JAM3: variants seen among roughly 807,000 people sequenced by gnomAD.
JAM3 encodes the protein junctional adhesion molecule C.
JAM3 carries 31 observed loss-of-function variants against 39.4 expected under a neutral mutation model. The observed-to-expected ratio is 0.79, with a 90% CI of 0.59 to 1.06. JAM3 has a LOEUF of 1.06. JAM3 is among the 50% of genes least tolerant of loss of function. The probability of loss-of-function intolerance (pLI) is 0.00; values close to 1 mark genes in which losing one functional copy is unlikely to be tolerated. For missense variants in JAM3, 455 were observed against 391.4 expected, an observed-to-expected ratio of 1.16 and a Z score of -1.37; for synonymous variants, 182 against 148.7, an observed-to-expected ratio of 1.22 and a Z score of -1.63.
At chr11:134,132,564 A>G (rs890641994) in intron 1 of JAM3, among the ~76,000 whole-genome samples, 2 of 152,388 alleles carry the variant, frequency 1.3e-5, no homozygotes, top group East Asian at 1.9e-4. Context: ...TGAAGAAATT[A>G]TAACACAAAT....
At chr11:134,133,259 C>A (rs1238353706) in intron 1 of JAM3, among the ~76,000 whole-genome samples, 2 of 152,310 alleles carry the variant, frequency 1.3e-5, no homozygotes, top group African/African-American at 4.8e-5. Flanking sequence ...TTTCCTACTT[C>A]CTTTCCAACT....
At position 134,136,395 on chromosome 11, in the gene JAM3, A is replaced by G. The variant is rs762648247; in HGVS notation, c.77-3456A>G. 2.0e-5 allele frequency among the ~76,000 whole-genome samples: 3 copies of G among 152,306 alleles called. No homozygotes were observed. In the South Asian group the frequency reaches 6.2e-4, roughly 32 times the overall value. On this transcript the variant is annotated intron_variant, in intron 1 of 8. Transcript: ENST00000299106. The stretch of plus-strand genomic sequence containing the variant: ...CAGGATTCTGGATGAGTTACTTACG[A>G]TGTCTTCACGTGTTAGATTTGTGCC...
intron 1 of JAM3, among the ~76,000 whole-genome samples, chr11:134,124,993 A>ACC (rs142281577): frequency 0.024 from 3,678 of 151,956 alleles, 155 homozygotes; most frequent in African/African-American, 0.084. Context: ...CGGCGACGAC[A>ACC]CCCCCCAGCC....
chr11:134,120,965 G>C (rs545158219), intron 1 of JAM3, among the ~76,000 whole-genome samples: 17 of 152,338 alleles, frequency 1.1e-4, no homozygotes, highest in African/African-American at 4.1e-4. Context: ...AGGAAAGCAG[G>C]CGTCATCCTC....
At chr11:134,143,808 C>A (rs887909681) in intron 3 of JAM3, among the ~76,000 whole-genome samples, 2 of 152,172 alleles carry the variant, frequency 1.3e-5, no homozygotes, top group Non-Finnish European at 1.5e-5. Flanking sequence ...AGTTTTAACT[C>A]CTATGTTAGG....
At position 134,148,565 on chromosome 11, in the gene JAM3, G is replaced by A; in HGVS notation, c.731G>A (p.Gly244Glu). Residue 244 changes from glycine (G) to glutamate (E), a missense_variant, in exon 7 of 9, where the codon GGA becomes GAA. Physicochemically the swap from Gly to Glu is moderately conservative, Grantham distance 98 (BLOSUM62 -2). Coordinates refer to ENST00000299106, the MANE Select transcript of JAM3 (RefSeq NM_032801.5). Reference sequence around the variant, plus strand: ...TCTTCAGATGACCTGAACATTGGCGGAATTATTGGGGGGGTTCTGGTTGTC... The same window carrying A: ...TCTTCAGATGACCTGAACATTGGCGAAATTATTGGGGGGGTTCTGGTTGTC... ...EMEVYDLNIG[G>E]IIGGVLVVLA... 6.2e-7 allele frequency: 1 copy of A among 1,614,144 alleles called. No individual in the cohort carries two copies. Among genetic ancestry groups the A allele is most frequent in the South Asian group, 1.1e-5 (1 of 91,080 alleles).
chr11:134,123,089 A>G (rs1305684849), intron 1 of JAM3, among the ~76,000 whole-genome samples: 1 of 152,240 alleles, frequency 6.6e-6, no homozygotes, highest in Admixed American at 6.5e-5. Flanking sequence ...GCTCTTGGCT[A>G]CTTTGTCTAG....
Position 134,080,694 on chromosome 11 carries a change from A to G in JAM3, c.76+11535A>G, listed in dbSNP as rs144214717. ...TTTTGTAAATTGCCCAGTCTCGGGT[A>G]TGTCTTTATCAGCAGCATGAAAATA... On this transcript the variant is annotated intron_variant, in intron 1 of 8. Coordinates refer to ENST00000299106, the MANE Select transcript of JAM3 (RefSeq NM_032801.5). 9.2e-5 allele frequency among the ~76,000 whole-genome samples: 14 copies of G among 152,296 alleles called. No homozygotes were observed. The East Asian group carries it at 2.7e-3, about 29-fold the overall frequency.
At chr11:134,148,889 C>T (rs1565508008) in intron 8 of JAM3, 71 bp downstream of exon 8, 4 of 1,494,124 alleles carry the variant, frequency 2.7e-6, no homozygotes, top group Non-Finnish European at 3.7e-6. Flanking sequence ...TTGGAAACCA[C>T]ACGGGTCTCC....
intron 1 of JAM3, among the ~76,000 whole-genome samples, chr11:134,083,577 T>G (rs111436813): frequency 1.3e-5 from 2 of 152,298 alleles, no homozygotes; most frequent in African/African-American, 4.8e-5. Flanking sequence ...GTCAAGTACA[T>G]TTCCTACATG....
chr11:134,145,094 T>C, intron 5 of JAM3, 100 bp downstream of exon 5: 2 of 1,018,804 alleles, frequency 2.0e-6, no homozygotes. Context: ...AACTTCTTGA[T>C]AAGACAGGAG....
chr11:134,093,147 T>C (rs1204899765), intron 1 of JAM3, among the ~76,000 whole-genome samples: 2 of 108,784 alleles, frequency 1.8e-5, no homozygotes, highest in African/African-American at 3.8e-5. Context: ...CATCATGTTC[T>C]ATCTTACATG....
At chr11:134,071,452 A>G (rs933303016) in intron 1 of JAM3, among the ~76,000 whole-genome samples, 17 of 152,318 alleles carry the variant, frequency 1.1e-4, no homozygotes, top group African/African-American at 4.1e-4. Flanking sequence ...TTTCAACACT[A>G]TGTGGTTTGT....
chr11:134,136,196 C>T (rs374048334), intron 1 of JAM3, among the ~76,000 whole-genome samples: 13 of 152,182 alleles, frequency 8.5e-5, no homozygotes, highest in East Asian at 1.9e-4. Context: ...TTCCTTTTTC[C>T]GCCTTCCAAA....
At chr11:134,098,192 C>T (rs1455342867) in intron 1 of JAM3, among the ~76,000 whole-genome samples, 1 of 152,146 alleles carries the variant, frequency 6.6e-6, no homozygotes, top group Admixed American at 6.5e-5. Context: ...TTTTACTGTG[C>T]ATGCATATGT....
At chr11:134,121,990 CTGT>C (rs1235156108) in intron 1 of JAM3, among the ~76,000 whole-genome samples, 19 of 152,296 alleles carry the variant, frequency 1.2e-4, no homozygotes, top group African/African-American at 2.4e-4. Flanking sequence ...TTAATGGAAT[CTGT>C]TGTTGTGTTT....
chr11:134,088,620 CATT>C (rs1306439481), intron 1 of JAM3, among the ~76,000 whole-genome samples: 5 of 152,268 alleles, frequency 3.3e-5, no homozygotes, highest in South Asian at 4.1e-4. Context: ...TTGCTAAAAT[CATT>C]AACCTCTGAA....
rs149931418 is a variant in JAM3, at chr11:134,084,010, A to C, written c.76+14851A>C. 4.9e-3 allele frequency among the ~76,000 whole-genome samples: 750 copies of C among 152,356 alleles called. 6 individuals are homozygous for C. Among genetic ancestry groups the C allele is most frequent in the African/African-American group, 0.017 (718 of 41,584 alleles). The stretch of plus-strand genomic sequence containing the variant: ...TATGTAAAAGAAAGCTTATGGCTAC[A>C]TAATAAGGAGAAAATTGGTCATAAG... On this transcript the variant is annotated intron_variant, in intron 1 of 8. Coordinates refer to ENST00000299106, the MANE Select transcript of JAM3 (RefSeq NM_032801.5).
chr11:134,089,768 T>C (rs1941809657), intron 1 of JAM3, among the ~76,000 whole-genome samples: 1 of 152,228 alleles, frequency 6.6e-6, no homozygotes, highest in Non-Finnish European at 1.5e-5. Context: ...GCAGTAAACA[T>C]ACGTGTGCAT....
Sources: allele counts gnomAD v4.1 joint callset (sites outside exome capture counted in the v4.1 genomes callset), GRCh38; gene constraint gnomAD v4.1.1; transcripts MANE v1.5; gene names NCBI Gene and HGNC (gene_info 2026-07-23, HGNC 2026-07-21).